Variants in TULP4 observed in about 807,000 individuals in gnomAD.
TULP4 encodes TUB like protein 4, also known as tubby-related protein 4.
Under a neutral mutation model 129.0 loss-of-function variants are expected in TULP4, and 16 were observed. The ratio of observed to expected loss-of-function variants is 0.12; its 90% confidence interval spans 0.08 to 0.19. TULP4 has a LOEUF of 0.19. TULP4 is among the 10% of genes least tolerant of loss of function. The probability of loss-of-function intolerance (pLI) is 1.00; values close to 1 mark genes in which losing one functional copy is unlikely to be tolerated. For missense variants in TULP4, 1,842 were observed against 2,059.1 expected, an observed-to-expected ratio of 0.89 and a Z score of 2.04; for synonymous variants, 998 against 854.0, an observed-to-expected ratio of 1.17 and a Z score of -2.94.
intron 1 of TULP4, among the ~76,000 whole-genome samples, chr6:158,351,450 T>C (rs1394641149): frequency 1.3e-5 from 2 of 152,194 alleles, no homozygotes; most frequent in Admixed American, 6.5e-5. Flanking sequence ...TAATCAAAAG[T>C]TGAATAAGGC....
intron 8 of TULP4, among the ~76,000 whole-genome samples, chr6:158,487,396 T>A (rs570696133): frequency 6.2e-4 from 95 of 152,100 alleles, no homozygotes; most frequent in Non-Finnish European, 7.1e-4. Flanking sequence ...ACCAAGATAA[T>A]GTCACTGCAT....
At chr6:158,354,455 A>T (rs1023764497) in intron 1 of TULP4, among the ~76,000 whole-genome samples, 3 of 152,376 alleles carry the variant, frequency 2.0e-5, no homozygotes, top group South Asian at 4.1e-4. Flanking sequence ...GTCACCAAGA[A>T]CAAATGCAAA....
In TULP4 at chr6:158,503,694, G is replaced by A. The variant is rs374181619; in HGVS notation, c.4031G>A (p.Arg1344Gln). Residue 1344 changes from arginine to glutamine, a missense_variant, in exon 13 of 14, where the codon CGA (arginine) becomes CAA (glutamine). By Grantham distance (43) the Arg-to-Gln change is conservative. Transcript: ENST00000367097. The surrounding 1 kb of genome is among the most constrained non-coding windows in gnomAD (Gnocchi z 4.3). ...GKKNRKRLDS[R>Q]AEEGSVQAIT... ...AAGAACCGGAAGCGCCTGGACAGCC[G>A]AGCAGAAGAAGGCAGCGTTCAGGCC... The A allele has an allele frequency of 5.1e-5, 82 of 1,613,980 alleles. No homozygotes were observed. The highest frequency in any genetic ancestry group is 2.0e-4 in the East Asian group (9 of 44,892).
intron 1 of TULP4, among the ~76,000 whole-genome samples, chr6:158,245,218 C>T (rs191828138): frequency 1.2e-3 from 181 of 150,614 alleles, no homozygotes; most frequent in Admixed American, 2.5e-3. Flanking sequence ...TGGTCTTGAA[C>T]TCCTGGGCTC....
At chr6:158,485,329 C>T (rs1426617840) in intron 8 of TULP4, among the ~76,000 whole-genome samples, 1 of 152,172 alleles carries the variant, frequency 6.6e-6, no homozygotes, top group Non-Finnish European at 1.5e-5. Context: ...AATATTTAGA[C>T]TATTCATATT....
At chr6:158,280,029 C>T (rs545382628), upstream of TULP4, among the ~76,000 whole-genome samples, 30 of 152,336 alleles carry the variant, frequency 2.0e-4, no homozygotes, top group Non-Finnish European at 3.7e-4. Flanking sequence ...TTTCTCCATC[C>T]ATAACTGGGA....
intron 8 of TULP4, among the ~76,000 whole-genome samples, chr6:158,486,299 A>G (rs754403011): frequency 6.6e-6 from 1 of 152,178 alleles, no homozygotes; most frequent in Non-Finnish European, 1.5e-5. Flanking sequence ...GGACTAACTA[A>G]CGCCTGTGAT....
intron 1 of TULP4, among the ~76,000 whole-genome samples, chr6:158,317,773 A>G (rs1779524413): frequency 6.6e-6 from 1 of 152,204 alleles, no homozygotes; most frequent in Non-Finnish European, 1.5e-5. Flanking sequence ...CACTCCCACC[A>G]ACAGTGTAAA....
intron 6 of TULP4, 149 bp from the exon 7 acceptor site, chr6:158,479,600 AAT>A: frequency 5.7e-6 from 4 of 704,774 alleles, no homozygotes; most frequent in Non-Finnish European, 9.2e-6. Context: ...GAATTTTCGT[AAT>A]ATAGTGTCTA....
intron 1 of TULP4, among the ~76,000 whole-genome samples, chr6:158,249,768 T>C (rs1778103827): frequency 6.6e-6 from 1 of 152,252 alleles, no homozygotes; most frequent in Non-Finnish European, 1.5e-5. Context: ...TTTCAGACTT[T>C]TTCTGGACCA....
intron 1 of TULP4, among the ~76,000 whole-genome samples, chr6:158,370,535 A>G (rs1259931167): frequency 1.3e-5 from 2 of 150,428 alleles, no homozygotes; most frequent in Non-Finnish European, 3.0e-5. Context: ...TCTGTCTCAA[A>G]AAGCAAAAAT....
intron 3 of TULP4, among the ~76,000 whole-genome samples, chr6:158,445,304 A>G (rs369383125): frequency 1.3e-5 from 2 of 152,322 alleles, no homozygotes; most frequent in East Asian, 1.9e-4. Context: ...GTCACAGGAA[A>G]CAGCAGGAAA....
intron 4 of TULP4, among the ~76,000 whole-genome samples, chr6:158,450,809 C>A (rs1446512355): frequency 6.6e-6 from 1 of 151,708 alleles, no homozygotes; most frequent in Non-Finnish European, 1.5e-5. Context: ...GTAATCCTAG[C>A]ACTTTGGGAG....
chr6:158,475,744 A>G (rs2771425), intron 6 of TULP4, among the ~76,000 whole-genome samples: 70,038 of 152,122 alleles, frequency 0.46, 17,268 homozygotes, highest in African/African-American at 0.65. Flanking sequence ...GTGAGGTGGC[A>G]AAATCAGGAC....
intron 2 of TULP4, among the ~76,000 whole-genome samples, chr6:158,420,285 C>T (rs1778306327): frequency 1.3e-5 from 2 of 152,168 alleles, no homozygotes; most frequent in African/African-American, 4.8e-5. Context: ...AAACCATTCT[C>T]AGTTTGTGGG....
intron 1 of TULP4, among the ~76,000 whole-genome samples, chr6:158,328,055 C>G (rs1169609958): frequency 5.4e-5 from 8 of 147,438 alleles, no homozygotes; most frequent in Non-Finnish European, 3.0e-5. Flanking sequence ...TGAATATACT[C>G]CTGTTGCCAG....
intron 2 of TULP4, chr6:158,428,083 A>G (rs1285527028): frequency 1.3e-5 from 2 of 152,286 alleles, no homozygotes; most frequent in Non-Finnish European, 2.9e-5. Context: ...AGATCATGCC[A>G]CTGCATTCCA....
intron 13 of TULP4, among the ~76,000 whole-genome samples, chr6:158,504,730 A>C (rs1194457236): frequency 1.3e-5 from 2 of 151,886 alleles, no homozygotes; most frequent in Non-Finnish European, 2.9e-5. Context: ...GGTTCCAAGC[A>C]ATCCTCCTGC....
At chr6:158,429,324 A>G (rs1009643391) in intron 2 of TULP4, among the ~76,000 whole-genome samples, 3 of 152,238 alleles carry the variant, frequency 2.0e-5, no homozygotes, top group East Asian at 1.9e-4. Context: ...TTTTTAGTAG[A>G]GATGGGGTTT....
Sources: gnomAD v4.1 joint callset for allele counts (sites outside exome capture counted in the v4.1 genomes callset) on GRCh38, gnomAD v4.1.1 for gene constraint, Gnocchi (gnomAD v3.1) non-coding constraint, MANE v1.5 for transcripts, NCBI Gene and HGNC (gene_info 2026-07-23, HGNC 2026-07-21) for gene names.